Variants in SFRP1 observed in about 807,000 individuals in gnomAD.
SFRP1 encodes secreted frizzled related protein 1.
In SFRP1, 9 loss-of-function variants were observed where a neutral mutation model predicts 25.9. That is an observed-to-expected ratio of 0.35 (90% CI 0.21 to 0.61). The LOEUF (loss-of-function observed/expected upper bound fraction) is 0.61. Ranked by LOEUF, SFRP1 falls within the 20% of genes least tolerant of loss-of-function variation. The probability of loss-of-function intolerance (pLI) is 0.78; values close to 1 mark genes in which losing one functional copy is unlikely to be tolerated. For synonymous variants in SFRP1, 178 were observed against 174.0 expected, an observed-to-expected ratio of 1.02 and a Z score of -0.18; for missense variants, 346 against 418.2, an observed-to-expected ratio of 0.83 and a Z score of 1.51.
At chr8:41,283,369 T>C (rs1803658948) in intron 2 of SFRP1, among the ~76,000 whole-genome samples, 1 of 152,098 alleles carries the variant, frequency 6.6e-6, no homozygotes, top group Non-Finnish European at 1.5e-5. Flanking sequence ...TAGACAGAGC[T>C]GGTGGCCAGA....
chr8:41,265,138 G>GGTCCCCCC lies in SFRP1; in HGVS notation c.*28_*29insGGGGGGAC. 2.0e-6 allele frequency: 1 copy of GGTCCCCCC among 508,948 alleles called. No homozygotes were observed. Among genetic ancestry groups the GGTCCCCCC allele is most frequent in the Non-Finnish European group, 3.3e-6 (1 of 302,258 alleles). The allele number at this position is 508,948 out of a possible 1,614,324, so 31.5% of individuals were successfully genotyped here. Reference sequence around the variant, plus strand: ...CCCCCCCGCTCCCACCCCACCCGAGGCTCCCTCCCCACCCTGCCCCCGGGA... The same window carrying GGTCCCCCC: ...CCCCCCCGCTCCCACCCCACCCGAGGGTCCCCCCCTCCCTCCCCACCCTGCCCCCGGGA... On this transcript the variant is annotated 3_prime_UTR_variant, in exon 3 of 3. Coordinates refer to ENST00000220772, the MANE Select transcript of SFRP1 (RefSeq NM_003012.5).
In SFRP1 at chr8:41,308,665, G is replaced by A; in HGVS notation, c.495C>T (p.Val165=). 6.2e-7 allele frequency: 1 copy of A among 1,610,842 alleles called. No individual in the cohort carries two copies. Among genetic ancestry groups the A allele is most frequent in the South Asian group, 1.1e-5 (1 of 90,666 alleles). ...LKCDKFPEGD[V]CIAMTPPNAT... is the part of the protein sequence containing the mutation. ...CATTGGGCGGCGTCATGGCGATGCA[G>A]ACGTCCCCCTCGGGGAACTTGTCAC... is the stretch of plus-strand genomic sequence containing the variant. The change falls in exon 1 of 3, where the codon GTC becomes GTT. Residue 165 remains valine, a synonymous_variant. Transcript: ENST00000220772.
intron 2 of SFRP1, among the ~76,000 whole-genome samples, chr8:41,285,191 C>A (rs561226081): frequency 5.9e-5 from 9 of 152,184 alleles, no homozygotes; most frequent in Non-Finnish European, 1.2e-4. Context: ...TAACCAAAGT[C>A]TCATTTTACC....
intron 2 of SFRP1, among the ~76,000 whole-genome samples, chr8:41,271,790 C>A (rs1206894393): frequency 2.0e-5 from 3 of 151,812 alleles, no homozygotes; most frequent in African/African-American, 7.3e-5. Context: ...TATAGTGAGA[C>A]CCCATCTCTA....
At chr8:41,266,723 C>T (rs531420690) in intron 2 of SFRP1, among the ~76,000 whole-genome samples, 56 of 152,182 alleles carry the variant, frequency 3.7e-4, no homozygotes, top group South Asian at 1.7e-3. Flanking sequence ...CCACGCCTGA[C>T]CATGAGGGTT....
At chr8:41,307,892 G>T (rs1804018325) in intron 1 of SFRP1, among the ~76,000 whole-genome samples, 1 of 152,196 alleles carries the variant, frequency 6.6e-6, no homozygotes, top group Non-Finnish European at 1.5e-5. Flanking sequence ...TTTCTAATGA[G>T]CTGAGGATTT....
intron 2 of SFRP1, among the ~76,000 whole-genome samples, chr8:41,276,147 C>T (rs919192990): frequency 6.6e-5 from 10 of 152,178 alleles, no homozygotes; most frequent in African/African-American, 2.4e-4. Context: ...ACCCCTCCTA[C>T]CCCACAGAGC....
chr8:41,303,164 T>C (rs1488223702), intron 2 of SFRP1, among the ~76,000 whole-genome samples: 1 of 151,634 alleles, frequency 6.6e-6, no homozygotes, highest in Non-Finnish European at 1.5e-5. Flanking sequence ...GCTGCTGTCC[T>C]TCCCTGCTCC....
chr8:41,278,447 G>C (rs1228991407), intron 2 of SFRP1, among the ~76,000 whole-genome samples: 1 of 152,172 alleles, frequency 6.6e-6, no homozygotes, highest in Non-Finnish European at 1.5e-5. Context: ...TTTGCAAAAC[G>C]AATGTGTTCA....
intron 2 of SFRP1, among the ~76,000 whole-genome samples, chr8:41,271,901 G>C (rs1803513953): frequency 6.6e-6 from 1 of 152,066 alleles, no homozygotes; most frequent in Non-Finnish European, 1.5e-5. Flanking sequence ...GGAGATTGAG[G>C]CTGCAGTGAG....
intron 2 of SFRP1, among the ~76,000 whole-genome samples, 155 bp downstream of exon 2, chr8:41,303,306 T>C (rs1803951823): frequency 6.6e-6 from 1 of 151,604 alleles, no homozygotes; most frequent in South Asian, 2.1e-4. Flanking sequence ...CCCTGTCTAG[T>C]CTCCCATCTG....
chr8:41,291,753 A>G (rs1205367889), intron 2 of SFRP1, among the ~76,000 whole-genome samples: 1 of 152,080 alleles, frequency 6.6e-6, no homozygotes, highest in Admixed American at 6.5e-5. Context: ...GTCAGCCTTG[A>G]CTGGGTCTCT....
chr8:41,276,254 T>G (rs1316830361), intron 2 of SFRP1, among the ~76,000 whole-genome samples: 1 of 152,218 alleles, frequency 6.6e-6, no homozygotes, highest in Non-Finnish European at 1.5e-5. Flanking sequence ...CACACATGTC[T>G]TGGGTAACCC....
intron 2 of SFRP1, among the ~76,000 whole-genome samples, chr8:41,278,156 C>T (rs1367932692): frequency 6.6e-6 from 1 of 152,224 alleles, no homozygotes; most frequent in Non-Finnish European, 1.5e-5. Context: ...AAAATTGGCA[C>T]AGGCCTGTCC....
intron 2 of SFRP1, chr8:41,271,264 G>T (rs1803502409): frequency 6.5e-6 from 1 of 154,094 alleles, no homozygotes; most frequent in African/African-American, 2.4e-5. Context: ...CAAATGGACA[G>T]TCAAGGGCTG....
chr8:41,275,217 T>A (rs1803556620), intron 2 of SFRP1: 1 of 450,322 alleles, frequency 2.2e-6, no homozygotes, highest in African/African-American at 2.0e-5. Context: ...TACCCAGAGC[T>A]TTATGATTCA....
chr8:41,285,473 G>A (rs1803687254), intron 2 of SFRP1, among the ~76,000 whole-genome samples: 1 of 152,136 alleles, frequency 6.6e-6, no homozygotes, highest in Non-Finnish European at 1.5e-5. Flanking sequence ...AGAATAAAAT[G>A]CCAAAAACCA....
rs192918217 is a variant in SFRP1 at position 41,290,527 on chromosome 8, C to G, written c.622+12934G>C. 2.5e-3 allele frequency among the ~76,000 whole-genome samples: 385 copies of G among 152,314 alleles called. 5 individuals carry two copies. In the South Asian group the frequency reaches 0.033, roughly 13 times the overall value. On this transcript the variant is annotated intron_variant, in intron 2 of 2. Coordinates refer to ENST00000220772, the MANE Select transcript of SFRP1 (RefSeq NM_003012.5). ...TGGTAATGGCCAGCTCTGCGGTGAC[C>G]TAAGTATGAGCTGATTACAGGCTCT...
chr8:41,292,188 G>A (rs1308164921), intron 2 of SFRP1, among the ~76,000 whole-genome samples: 7 of 152,098 alleles, frequency 4.6e-5, no homozygotes, highest in Admixed American at 6.5e-5. Flanking sequence ...GGCTTAACTC[G>A]GGTTCAGAGC....
Sources: allele counts gnomAD v4.1 joint callset (sites outside exome capture counted in the v4.1 genomes callset), GRCh38; gene constraint gnomAD v4.1.1; transcripts MANE v1.5; gene names NCBI Gene and HGNC (gene_info 2026-07-23, HGNC 2026-07-21).